Variants in NRG4 observed in about 807,000 individuals in gnomAD.
NRG4 encodes the protein neuregulin 4, also known as pro-neuregulin-4, membrane-bound isoform.
In NRG4, 10 loss-of-function variants were observed where a neutral mutation model predicts 15.0. That is an observed-to-expected ratio of 0.67 (90% CI 0.41 to 1.13). NRG4 has a LOEUF of 1.13. Among genes scored for constraint, NRG4 ranks in the 50% most tolerant of loss-of-function variants. The pLI is 0.00. For missense variants in NRG4, 139 were observed against 140.2 expected (o/e 0.99, Z 0.04); for synonymous variants, 41 against 50.1 (o/e 0.82, Z 0.77).
At chr15:75,972,071 T>G (rs2033122692) in intron 3 of NRG4, among the ~76,000 whole-genome samples, 1 of 152,258 alleles carries the variant, frequency 6.6e-6, no homozygotes, top group Non-Finnish European at 1.5e-5. Flanking sequence ...CTAAATGGCA[T>G]GAGATGGTAT....
intron 3 of NRG4, chr15:75,971,258 C>T (rs1348649365): frequency 2.2e-6 from 1 of 455,772 alleles, no homozygotes; most frequent in Admixed American, 2.4e-5. Flanking sequence ...ACTGTAAAAA[C>T]AATAAGGGTT....
At chr15:76,015,586 T>C (rs1255552663), upstream of NRG4, among the ~76,000 whole-genome samples, 1 of 152,234 alleles carries the variant, frequency 6.6e-6, no homozygotes, top group African/African-American at 2.4e-5. Context: ...AGGCCTTTTC[T>C]GCATCTATTG....
At chr15:75,951,968 C>A (rs1417460085) in intron 5 of NRG4, among the ~76,000 whole-genome samples, 1 of 152,140 alleles carries the variant, frequency 6.6e-6, no homozygotes, top group African/African-American at 2.4e-5. Context: ...CTTCCTTTAA[C>A]ATTTACTTTA....
chr15:75,953,385 C>T (rs1413637916), intron 5 of NRG4, among the ~76,000 whole-genome samples: 2 of 152,134 alleles, frequency 1.3e-5, no homozygotes, highest in Non-Finnish European at 2.9e-5. Context: ...TATGTCTATC[C>T]TTATGCCAGC....
At chr15:75,952,556 G>A (rs927088495) in intron 5 of NRG4, among the ~76,000 whole-genome samples, 1 of 51,184 alleles carries the variant, frequency 2.0e-5, no homozygotes, top group African/African-American at 6.8e-5. Context: ...GAACATTCAT[G>A]TGCATTTTTT....
rs1567129421 is a variant in NRG4, at chr15:76,050,743, C to CTAATT, written c.-105+1323_-105+1324insAATTA. ...ACAGGCGTAAGCCACCGTGCCCAGC[C>CTAATT]GAGCCTTCGTTTTTCTAAGCTCAGC... On this transcript the variant is annotated intron_variant, in intron 4 of 8. Coordinates refer to the NRG4 transcript ENST00000563910. 3.2e-4 allele frequency among the ~76,000 whole-genome samples: 48 copies of CTAATT among 148,744 alleles called. 1 individual carries two copies. The highest frequency in any genetic ancestry group is 1.1e-3 in the African/African-American group (45 of 39,632).
chr15:75,975,763 T>C (rs1266911642), intron 3 of NRG4, among the ~76,000 whole-genome samples: 1 of 152,192 alleles, frequency 6.6e-6, no homozygotes, highest in African/African-American at 2.4e-5. Context: ...TAACCCGACC[T>C]TTCTCTCTGG....
intron 4 of NRG4, among the ~76,000 whole-genome samples, chr15:76,047,907 G>A (rs2035911163): frequency 6.6e-6 from 1 of 150,998 alleles, no homozygotes; most frequent in African/African-American, 2.5e-5. Flanking sequence ...TACAATCCCA[G>A]CTACTTGGGA....
intron 3 of NRG4, among the ~76,000 whole-genome samples, chr15:75,988,795 G>A (rs1341536801): frequency 1.4e-4 from 21 of 150,454 alleles, no homozygotes; most frequent in Middle Eastern, 3.5e-3. Flanking sequence ...GGAATAAAAC[G>A]AAGGTATGAA....
upstream of NRG4, chr15:76,059,851 A>C (rs1326914569): frequency 2.1e-5 from 3 of 141,610 alleles, no homozygotes; most frequent in South Asian, 2.4e-4. Context: ...GGCTCGGCCA[A>C]GCCGCCGGCG....
rs397714796 is a variant in NRG4, at chr15:75,944,955, CT to C, written c.332-1302del. Among the ~76,000 whole-genome samples the C allele has an allele frequency of 2.7e-3, 400 of 149,076 alleles. 2 individuals carry two copies. The highest frequency in any genetic ancestry group is 7.4e-3 in the African/African-American group (301 of 40,428). On this transcript the variant is annotated intron_variant, in intron 5 of 5. Coordinates refer to ENST00000394907, the MANE Select transcript of NRG4 (RefSeq NM_138573.4). ...CAGTAATTTAATACTTTTTTTAATACTTTTTTTTTTAACAAGTATGTCTTTA... is the reference window on the plus strand; with the variant it reads ...CAGTAATTTAATACTTTTTTTAATACTTTTTTTTTAACAAGTATGTCTTTA...
At chr15:75,979,149 G>T (rs2033496030) in intron 3 of NRG4, among the ~76,000 whole-genome samples, 2 of 151,932 alleles carry the variant, frequency 1.3e-5, no homozygotes, top group African/African-American at 4.8e-5. Flanking sequence ...ATCTATGTTT[G>T]CTTTTGTTAC....
intron 3 of NRG4, among the ~76,000 whole-genome samples, chr15:75,967,455 GAT>G (rs1491410676): frequency 1.0e-5 from 1 of 96,372 alleles, no homozygotes; most frequent in Non-Finnish European, 2.2e-5. Context: ...CAAAATCTTA[GAT>G]TTTTTTTTTT....
intron 3 of NRG4, among the ~76,000 whole-genome samples, chr15:75,984,174 C>A (rs2033707583): frequency 1.3e-5 from 2 of 152,026 alleles, no homozygotes; most frequent in African/African-American, 2.4e-5. Context: ...ATCGGTGAAC[C>A]CTGAACTATG....
intron 5 of NRG4, among the ~76,000 whole-genome samples, chr15:76,024,184 C>T (rs956985754): frequency 6.6e-6 from 1 of 152,224 alleles, no homozygotes; most frequent in Non-Finnish European, 1.5e-5. Context: ...CTGCAGGCTG[C>T]CCCTGGCTAG....
intron 3 of NRG4, among the ~76,000 whole-genome samples, chr15:75,978,844 A>C (rs1052903124): frequency 2.6e-5 from 4 of 152,188 alleles, no homozygotes; most frequent in African/African-American, 9.7e-5. Context: ...TCTTTTAAGA[A>C]ATGTCTATTC....
intron 5 of NRG4, among the ~76,000 whole-genome samples, chr15:75,945,279 T>G (rs892951026): frequency 1.3e-5 from 2 of 151,736 alleles, no homozygotes; most frequent in African/African-American, 4.8e-5. Flanking sequence ...ATTTTATTTT[T>G]TTTGTGGAAT....
At chr15:75,969,514 GAGTT>G (rs1468386063) in intron 3 of NRG4, among the ~76,000 whole-genome samples, 3 of 152,206 alleles carry the variant, frequency 2.0e-5, no homozygotes, top group Non-Finnish European at 2.9e-5. Context: ...CAGTAAACCT[GAGTT>G]AGTTCTGAAA....
At chr15:75,996,851 CT>C (rs2141883029) in intron 3 of NRG4, among the ~76,000 whole-genome samples, 1 of 152,210 alleles carries the variant, frequency 6.6e-6, no homozygotes, top group Non-Finnish European at 1.5e-5. Flanking sequence ...TCATAAAGAT[CT>C]ATAAATATCC....
Sources: allele counts gnomAD v4.1 joint callset (sites outside exome capture counted in the v4.1 genomes callset), GRCh38; gene constraint gnomAD v4.1.1; transcripts MANE v1.5; gene names NCBI Gene and HGNC (gene_info 2026-07-23, HGNC 2026-07-21).